N4BP1: variants seen among roughly 807,000 people sequenced by gnomAD.
The protein encoded by N4BP1 is NEDD4-binding protein 1.
N4BP1 carries 21 observed loss-of-function variants against 70.9 expected under a neutral mutation model. The observed-to-expected ratio is 0.30, with a 90% CI of 0.21 to 0.43. N4BP1 has a LOEUF of 0.43. Among genes scored for constraint, N4BP1 ranks in the 20% least tolerant of loss-of-function variants. The pLI is 1.00. For missense variants in N4BP1, 936 were observed against 1,069.4 expected, an observed-to-expected ratio of 0.88 and a Z score of 1.74; for synonymous variants, 387 against 394.6, an observed-to-expected ratio of 0.98 and a Z score of 0.23.
intron 1 of N4BP1, chr16:48,577,835 C>T (rs965564907): frequency 6.4e-6 from 1 of 156,880 alleles, no homozygotes; most frequent in South Asian, 1.7e-4. Flanking sequence ...CGCACAAGCA[C>T]AGAGCTGCAG....
At position 48,540,647 on chromosome 16, in the gene N4BP1, TGA is replaced by T. The variant is rs1456230533; in HGVS notation, c.*2255_*2256del. ...AGCAACAGACATCCTCCCTGTTGAA[TGA>T]GAGTGACATCTCTGCCCTGCCACCT... On this transcript the variant is annotated 3_prime_UTR_variant, in exon 7 of 7. Coordinates refer to ENST00000262384, the MANE Select transcript of N4BP1 (RefSeq NM_153029.4). The T allele has an allele frequency of 3.9e-5, 6 of 152,286 alleles. No individual in the cohort carries two copies. Among genetic ancestry groups the T allele is most frequent in the Admixed American group, 1.3e-4 (2 of 15,286 alleles). The allele number at this position is 152,286 out of a possible 1,614,324, so 9.4% of individuals were successfully genotyped here.
At chr16:48,560,200 T>A (rs1963832753) in intron 2 of N4BP1, among the ~76,000 whole-genome samples, 1 of 152,178 alleles carries the variant, frequency 6.6e-6, no homozygotes. Flanking sequence ...CATTAAATGA[T>A]GTCTTTTACT....
Position 48,562,120 on chromosome 16 carries a change from A to C in N4BP1, c.523T>G (p.Leu175Val). 1 of 1,613,952 alleles carries C rather than the reference A, an allele frequency of 6.2e-7. No homozygotes were observed. Among genetic ancestry groups the C allele is most frequent in the Non-Finnish European group, 8.5e-7 (1 of 1,179,886 alleles). Residue 175 changes from leucine to valine, a missense_variant, in exon 2 of 7, where the codon TTG (leucine) becomes GTG (valine). This residue lies in a region of N4BP1 where 5 missense variants were observed against 17.1 expected (regional missense o/e 0.29). Transcript: ENST00000262384. ...EAHADNYTMD[L>V]LILPTSLKKE... ...TTCAAGGAAGTGGGCAAAATCAACA[A>C]ATCCATTGTGTAATTGTCTGCATGG...
At chr16:48,603,475 G>C (rs964929970) in intron 1 of N4BP1, among the ~76,000 whole-genome samples, 1 of 152,122 alleles carries the variant, frequency 6.6e-6, no homozygotes, top group African/African-American at 2.4e-5. Flanking sequence ...CAAACAAGTA[G>C]CTGTGCCATT....
At chr16:48,581,782 G>A (rs1007895040) in intron 1 of N4BP1, among the ~76,000 whole-genome samples, 30 of 152,056 alleles carry the variant, frequency 2.0e-4, no homozygotes, top group South Asian at 1.0e-3. Context: ...TCCTTATCTC[G>A]CATCATATAC....
At chr16:48,548,548 A>C (rs564343742) in intron 4 of N4BP1, among the ~76,000 whole-genome samples, 5 of 152,126 alleles carry the variant, frequency 3.3e-5, no homozygotes, top group Non-Finnish European at 5.9e-5. Flanking sequence ...TTTCCTTTTT[A>C]AAAATTCATA....
At chr16:48,589,099 C>T (rs879261550) in intron 1 of N4BP1, among the ~76,000 whole-genome samples, 14 of 152,142 alleles carry the variant, frequency 9.2e-5, no homozygotes, top group Non-Finnish European at 1.9e-4. Context: ...TGATTTCTGT[C>T]TGGCATAAAA....
At chr16:48,547,596 T>C (rs1963607409) in intron 5 of N4BP1, among the ~76,000 whole-genome samples, 1 of 152,252 alleles carries the variant, frequency 6.6e-6, no homozygotes, top group East Asian at 1.9e-4. Flanking sequence ...GAAAGCCCAG[T>C]CAGCACACAT....
intron 1 of N4BP1, among the ~76,000 whole-genome samples, chr16:48,595,215 A>G (rs1006584357): frequency 6.6e-6 from 1 of 152,102 alleles, no homozygotes. Flanking sequence ...TAATCCCAGC[A>G]CTTTGGGAGG....
intron 2 of N4BP1, among the ~76,000 whole-genome samples, chr16:48,558,349 G>A (rs1296663223): frequency 6.6e-6 from 1 of 151,412 alleles, no homozygotes; most frequent in East Asian, 1.9e-4. Flanking sequence ...TTCCCTTAGT[G>A]TAATAATTGG....
chr16:48,571,380 T>G (rs1964019045), intron 1 of N4BP1, among the ~76,000 whole-genome samples: 1 of 152,184 alleles, frequency 6.6e-6, no homozygotes, highest in South Asian at 2.1e-4. Context: ...AGAGCCCACC[T>G]AATGACAGAT....
rs773493128 is a variant in N4BP1 at position 48,548,009 on chromosome 16, T to G, written c.2223A>C (p.Lys741Asn). Reference sequence around the variant, plus strand: ...AAAGACAAAGAAGAAAATATTACCTTTTTGTAATAATTTCTCTCCAAGAGA... The same window carrying G: ...AAAGACAAAGAAGAAAATATTACCTGTTTGTAATAATTTCTCTCCAAGAGA... ...ESVSWREIIT[K>N]RLLQYTFVGD... Residue 741 changes from lysine to asparagine, a missense_variant and splice_region_variant, in exon 5 of 7, where the codon AAA becomes AAC. Around this residue, in one of 4 missense-constraint regions of N4BP1, gnomAD observed 229 missense variants for 343.5 expected, o/e 0.67. Coordinates refer to ENST00000262384, the MANE Select transcript of N4BP1 (RefSeq NM_153029.4). 5.6e-5 allele frequency: 87 copies of G among 1,541,218 alleles called. No homozygotes were observed. The highest frequency in any genetic ancestry group is 7.3e-5 in the Non-Finnish European group (82 of 1,118,176).
At chr16:48,573,108 CAA>C (rs67326386) in intron 1 of N4BP1, among the ~76,000 whole-genome samples, 79 of 111,134 alleles carry the variant, frequency 7.1e-4, no homozygotes, top group Middle Eastern at 4.6e-3. Flanking sequence ...GACCTTGTCT[CAA>C]AAAAAAAAAA....
intron 1 of N4BP1, among the ~76,000 whole-genome samples, chr16:48,605,998 C>G (rs1470580629): frequency 6.6e-6 from 1 of 152,188 alleles, no homozygotes; most frequent in East Asian, 1.9e-4. Context: ...GTTACAGAAA[C>G]ACCTTGCACA....
At chr16:48,608,810 G>T (rs1011011875) in intron 1 of N4BP1, among the ~76,000 whole-genome samples, 8 of 151,074 alleles carry the variant, frequency 5.3e-5, no homozygotes, top group African/African-American at 1.7e-4. Context: ...TACCTTATTA[G>T]AAGCCATAAG....
intron 1 of N4BP1, among the ~76,000 whole-genome samples, chr16:48,592,099 CTGAGAGA>C (rs1470642791): frequency 6.6e-6 from 1 of 152,128 alleles, no homozygotes; most frequent in Admixed American, 6.5e-5. Flanking sequence ...CCACACTCTA[CTGAGAGA>C]TGAGATTCCC....
At chr16:48,552,895 TA>T (rs1963696463) in intron 3 of N4BP1, among the ~76,000 whole-genome samples, 1 of 152,038 alleles carries the variant, frequency 6.6e-6, no homozygotes, top group Non-Finnish European at 1.5e-5. Context: ...CACTAGTGAC[TA>T]AACTTCACTT....
chr16:48,605,030 G>T (rs1964557757), intron 1 of N4BP1, among the ~76,000 whole-genome samples: 1 of 151,724 alleles, frequency 6.6e-6, no homozygotes, highest in African/African-American at 2.4e-5. Context: ...TAAAAGAAGG[G>T]TTCTTTTTTT....
intron 1 of N4BP1, among the ~76,000 whole-genome samples, chr16:48,563,233 T>C (rs918003265): frequency 2.0e-5 from 3 of 152,006 alleles, no homozygotes; most frequent in African/African-American, 4.8e-5. Flanking sequence ...TGTGTGCCTA[T>C]AGTTCCAGCT....
Sources: gnomAD v4.1 joint callset for allele counts (sites outside exome capture counted in the v4.1 genomes callset) on GRCh38, gnomAD v4.1.1 for gene constraint, gnomAD v4.1.1 regional missense constraint, MANE v1.5 for transcripts, NCBI Gene and HGNC (gene_info 2026-07-23, HGNC 2026-07-21) for gene names.